PSMA3: variants seen among roughly 807,000 people sequenced by gnomAD.
PSMA3 encodes proteasome 20S subunit alpha 3.
A neutral mutation model predicts 40.0 loss-of-function variants in PSMA3; 8 were observed. The observed-to-expected ratio is 0.20, with a 90% CI of 0.12 to 0.36. The LOEUF (loss-of-function observed/expected upper bound fraction) is 0.36, where lower values mean the gene tolerates loss of function less well. Ranked by LOEUF, PSMA3 falls within the 10% of genes least tolerant of loss-of-function variation. PSMA3 has a pLI of 1.00. For synonymous variants in PSMA3, 110 were observed against 100.0 expected, an observed-to-expected ratio of 1.10 and a Z score of -0.59; for missense variants, 219 against 310.6, an observed-to-expected ratio of 0.70 and a Z score of 2.22.
chr14:58,256,501 G>A (rs539064642), intron 3 of PSMA3, among the ~76,000 whole-genome samples: 164 of 147,136 alleles, frequency 1.1e-3, no homozygotes, highest in African/African-American at 3.7e-3. Context: ...TGCAACTTCC[G>A]CCTCCCAGGT....
intron 3 of PSMA3, 65 bp downstream of exon 3, chr14:58,252,307 A>G (rs1890030403): frequency 6.5e-7 from 1 of 1,549,608 alleles, no homozygotes; most frequent in Non-Finnish European, 8.7e-7. Flanking sequence ...ACTGATTGGA[A>G]TAGATCACTG....
chr14:58,258,428 T>C (rs1430194690), intron 5 of PSMA3: 1 of 123,822 alleles, frequency 8.1e-6, no homozygotes, highest in East Asian at 2.3e-4. Flanking sequence ...ATAGAGACTC[T>C]GCCTCTTTAA....
At chr14:58,257,903 G>A (rs1183763327) in intron 4 of PSMA3, 22 bp from the exon 5 acceptor site, 1 of 1,612,638 alleles carries the variant, frequency 6.2e-7, no homozygotes, top group Non-Finnish European at 8.5e-7. Context: ...TTATTAATAA[G>A]CTCTTCTGCT....
At chr14:58,262,689 A>G (rs940856337) in intron 6 of PSMA3, among the ~76,000 whole-genome samples, 2 of 151,306 alleles carry the variant, frequency 1.3e-5, no homozygotes, top group African/African-American at 4.9e-5. Context: ...CAGCCTCTCA[A>G]GTAGCTGGGA....
intron 6 of PSMA3, 150 bp downstream of exon 6, chr14:58,261,170 T>TC: frequency 6.7e-6 from 4 of 596,888 alleles, no homozygotes. Context: ...CAACCTCTTG[T>TC]CCAACAGAAT....
At chr14:58,250,436 A>G (rs952410863) in intron 2 of PSMA3, among the ~76,000 whole-genome samples, 1 of 152,162 alleles carries the variant, frequency 6.6e-6, no homozygotes, top group African/African-American at 2.4e-5. Context: ...ATCCAGGATA[A>G]CCTCAAAGAC....
At position 58,271,839 on chromosome 14, in the gene PSMA3, T is replaced by C; in HGVS notation, c.724-12T>C. 3 of 1,591,278 alleles carry C rather than the reference T, an allele frequency of 1.9e-6. No homozygotes were observed. Among genetic ancestry groups the C allele is most frequent in the Non-Finnish European group, 2.6e-6 (3 of 1,160,190 alleles). On this transcript the variant is annotated splice_polypyrimidine_tract_variant and intron_variant, in intron 10 of 10. Transcript: ENST00000216455. ...TAAAAATCAATTTTAAACACCTGTT[T>C]TCTCTTAACAGGAATCTCTGAAGGA...
At chr14:58,259,244 A>C (rs566984749) in intron 5 of PSMA3, among the ~76,000 whole-genome samples, 1 of 152,294 alleles carries the variant, frequency 6.6e-6, no homozygotes, top group East Asian at 1.9e-4. Flanking sequence ...TGAGTTCATC[A>C]GTTAACTTCT....
chr14:58,251,537 A>T (rs1890010698), intron 2 of PSMA3, among the ~76,000 whole-genome samples: 1 of 152,220 alleles, frequency 6.6e-6, no homozygotes. Flanking sequence ...AAGTGCTGAG[A>T]TTACAGGTGT....
At chr14:58,267,047 T>A (rs901186674) in intron 7 of PSMA3, 5 of 152,554 alleles carry the variant, frequency 3.3e-5, no homozygotes, top group African/African-American at 1.2e-4. Flanking sequence ...TCGCCCAGGC[T>A]AGAGTGCAGT....
intron 2 of PSMA3, among the ~76,000 whole-genome samples, chr14:58,251,840 CTG>C (rs1890018008): frequency 6.6e-6 from 1 of 152,148 alleles, no homozygotes; most frequent in South Asian, 2.1e-4. Flanking sequence ...AAGCCAGACA[CTG>C]AGCCATATTG....
chr14:58,268,336 A>C (rs1217636944), intron 8 of PSMA3, among the ~76,000 whole-genome samples: 1 of 152,186 alleles, frequency 6.6e-6, no homozygotes, highest in East Asian at 1.9e-4. Context: ...ACCTGTCTGT[A>C]TGGTAGTGTA....
At position 58,257,825 on chromosome 14, in the gene PSMA3, T is replaced by C. The variant is rs1195505819; in HGVS notation, c.309T>C (p.Phe103=). The C allele has an allele frequency of 4.3e-6, 7 of 1,613,456 alleles. No homozygotes were observed. The highest frequency in any genetic ancestry group is 1.3e-5 in the African/African-American group (1 of 74,930). Residue 103 remains phenylalanine (F), a synonymous_variant, in exon 4 of 11, where the codon TTT becomes TTC. Transcript: ENST00000216455. ...AAGCTTCCAACTTCAGATCTAACTTTGGCTACAACATTCCACTAAAAGTAA... is the reference window on the plus strand; with the variant it reads ...AAGCTTCCAACTTCAGATCTAACTTCGGCTACAACATTCCACTAAAAGTAA... ...REEASNFRSN[F]GYNIPLKHLA... is the part of the protein sequence containing the mutation.
intron 5 of PSMA3, among the ~76,000 whole-genome samples, chr14:58,259,891 G>A (rs2140088823): frequency 6.6e-6 from 1 of 152,120 alleles, no homozygotes; most frequent in East Asian, 1.9e-4. Flanking sequence ...TGTAGGAAGG[G>A]GTCCAGTCAT....
intron 2 of PSMA3, 34 bp downstream of exon 2, chr14:58,247,866 C>T: frequency 2.1e-6 from 3 of 1,422,150 alleles, no homozygotes; most frequent in Non-Finnish European, 2.9e-6. Context: ...TACATGTCTC[C>T]TTTTATTTTA....
At chr14:58,260,222 A>G (rs1292650780) in intron 5 of PSMA3, among the ~76,000 whole-genome samples, 1 of 152,180 alleles carries the variant, frequency 6.6e-6, no homozygotes, top group African/African-American at 2.4e-5. Flanking sequence ...ATTTGCATAT[A>G]ACCTGTGCAT....
chr14:58,265,040 T>G (rs1256974806), intron 7 of PSMA3: 1 of 152,230 alleles, frequency 6.6e-6, no homozygotes, highest in Non-Finnish European at 1.5e-5. Flanking sequence ...TTGGGAGGAC[T>G]GCTTGAGCCC....
At position 58,270,968 on chromosome 14, in the gene PSMA3, T is replaced by C. The variant is rs771045229; in HGVS notation, c.693T>C (p.Asp231=). 1.9e-6 allele frequency: 3 copies of C among 1,609,234 alleles called. No homozygotes were observed. The highest frequency in any genetic ancestry group is 1.7e-5 in the Admixed American group (1 of 59,432). Residue 231 remains aspartate, a synonymous_variant, in exon 10 of 11, where the codon GAT becomes GAC. Transcript: ENST00000216455. The part of the protein sequence containing the change: ...TNGRHEIVPK[D]IREEAEKYAK... ...GAAGACATGAAATTGTTCCAAAAGA[T>C]ATAAGAGAAGAAGCAGAGAAATATG... is the stretch of plus-strand genomic sequence containing the variant.
chr14:58,266,735 T>C (rs938528260), intron 7 of PSMA3: 2 of 152,234 alleles, frequency 1.3e-5, no homozygotes, highest in Non-Finnish European at 2.9e-5. Context: ...CCCTGGTATT[T>C]TGCATTTTTG....
Sources: gnomAD v4.1 joint callset for allele counts (sites outside exome capture counted in the v4.1 genomes callset) on GRCh38, gnomAD v4.1.1 for gene constraint, MANE v1.5 for transcripts, NCBI Gene and HGNC (gene_info 2026-07-23, HGNC 2026-07-21) for gene names.